The following CACNG1 variants were observed in gnomAD, a reference collection of about 807,000 sequenced individuals.
CACNG1 encodes the protein calcium voltage-gated channel auxiliary subunit gamma 1.
A neutral mutation model predicts 22.0 loss-of-function variants in CACNG1; 21 were observed. That is an observed-to-expected ratio of 0.95 (90% confidence interval 0.68 to 1.37). The LOEUF (loss-of-function observed/expected upper bound fraction) is 1.37, where lower values mean the gene tolerates loss of function less well. Ranked by LOEUF, CACNG1 falls within the 40% of genes most tolerant of loss-of-function variation. The pLI, the probability that CACNG1 is intolerant of heterozygous loss-of-function variation, is 0.00. For missense variants in CACNG1, 291 were observed against 308.6 expected (o/e 0.94, Z 0.43); for synonymous variants, 127 against 129.2 (o/e 0.98, Z 0.12).
chr17:67,050,138 C>G (rs1308890909), intron 1 of CACNG1, among the ~76,000 whole-genome samples: 1 of 152,250 alleles, frequency 6.6e-6, no homozygotes, highest in African/African-American at 2.4e-5. Flanking sequence ...AGGCAGGTTG[C>G]CCCAGGGCCC....
chr17:67,051,480 T>C (rs950040307), intron 1 of CACNG1, among the ~76,000 whole-genome samples: 2 of 152,110 alleles, frequency 1.3e-5, no homozygotes, highest in Non-Finnish European at 2.9e-5. Flanking sequence ...CTTTTTCACA[T>C]GCTAAGCCCA....
rs184121696 is a variant in CACNG1 at position 67,053,861 on chromosome 17, A to G, written c.230-135A>G. 6 of 705,798 alleles carry G rather than the reference A, an allele frequency of 8.5e-6. No homozygotes were observed. The Admixed American group carries it at 9.8e-5, about 12-fold the overall frequency. 43.7% of individuals were successfully genotyped at this position (705,798 alleles called of 1,614,324 possible). ...GTCAAAGACAGATGTTTCAGCCCAG[A>G]TTAAGGATCTGGGGAGAAGAGAGGC... On this transcript the variant is annotated intron_variant, in intron 1 of 3. Coordinates refer to ENST00000226021, the MANE Select transcript of CACNG1 (RefSeq NM_000727.4).
Position 67,056,364 on chromosome 17 carries a change from GC to G in CACNG1, c.*97del. ...CAGAGAGGAGGCGGGAGCAATTTTA[GC>G]CCCACCCTGCTCCCATCTGCCCCCC... On this transcript the variant is annotated 3_prime_UTR_variant, in exon 4 of 4. Transcript: ENST00000226021. The surrounding 1 kb of genome is among the most constrained non-coding windows in gnomAD (Gnocchi z 4.3). 1 of 1,084,736 alleles carries G rather than the reference GC, an allele frequency of 9.2e-7. No homozygotes were observed. Among genetic ancestry groups the G allele is most frequent in the African/African-American group, 1.5e-5 (1 of 64,584 alleles). The allele number at this position is 1,084,736 out of a possible 1,614,324, so 67.2% of individuals were successfully genotyped here.
intron 1 of CACNG1, among the ~76,000 whole-genome samples, chr17:67,049,557 C>G (rs375941036): frequency 6.8e-6 from 1 of 147,616 alleles, no homozygotes; most frequent in Non-Finnish European, 1.5e-5. Context: ...CAGGTGGTTC[C>G]TATTCTACAG....
chr17:67,054,193 G>A lies in CACNG1; in HGVS notation c.304+123G>A. ...CACGCCTGATGAGAAGAAGCCTGTG[G>A]TGCATTTGAACAACAGCCTTGTCAG... On this transcript the variant is annotated intron_variant, in intron 2 of 3. Coordinates refer to ENST00000226021, the MANE Select transcript of CACNG1 (RefSeq NM_000727.4). This position sits in a 1 kb window ranked among gnomAD's most constrained non-coding sequence, Gnocchi z 4.6. 1.3e-6 allele frequency: 1 copy of A among 758,508 alleles called. No homozygotes were observed. Among genetic ancestry groups the A allele is most frequent in the Non-Finnish European group, 2.3e-6 (1 of 441,978 alleles). 47.0% of individuals were successfully genotyped at this position (758,508 alleles called of 1,614,324 possible).
rs1220710232 is a variant in CACNG1 at position 67,054,028 on chromosome 17, C to A, written c.262C>A (p.Pro88Thr). Residue 88 changes from proline (P) to threonine (T), a missense_variant, in exon 2 of 4, where the codon CCC (proline) becomes ACC (threonine). Transcript: ENST00000226021. The surrounding 1 kb of genome is among the most constrained non-coding windows in gnomAD (Gnocchi z 4.6). The part of the protein sequence containing the change: ...KNCSYFRHFN[P>T]GESSEIFEFT... ...CTGTTCCTACTTCAGGCATTTTAAC[C>A]CCGGCGAGAGCTCGGAGATCTTCGA... 4.3e-6 allele frequency: 7 copies of A among 1,614,110 alleles called. No homozygotes were observed. The highest frequency in any genetic ancestry group is 5.1e-6 in the Non-Finnish European group (6 of 1,179,994).
rs780696046 is a variant in CACNG1, at chr17:67,044,774, C to T, written c.114C>T (p.His38=). 1.2e-6 allele frequency: 2 copies of T among 1,613,250 alleles called. No individual in the cohort carries two copies. Among genetic ancestry groups the T allele is most frequent in the Admixed American group, 1.7e-5 (1 of 60,016 alleles). ...VTDHWAVLSP[H]MEHHNTTCEA... ...ACCACTGGGCTGTGCTGAGCCCCCACATGGAGCACCACAACACTACCTGCG... is the reference window on the plus strand; with the variant it reads ...ACCACTGGGCTGTGCTGAGCCCCCATATGGAGCACCACAACACTACCTGCG... The change falls in exon 1 of 4, where the codon CAC becomes CAT. Residue 38 remains histidine (H), a synonymous_variant. Transcript: ENST00000226021. The surrounding 1 kb of genome is among the most constrained non-coding windows in gnomAD (Gnocchi z 6.9).
rs1267320359 is a variant in CACNG1, at chr17:67,056,266, C to T, written c.664C>T (p.His222Tyr). 2 of 1,613,608 alleles carry T rather than the reference C, an allele frequency of 1.2e-6. No individual in the cohort carries two copies. Among genetic ancestry groups the T allele is most frequent in the African/African-American group, 1.3e-5 (1 of 74,908 alleles). ...GTCCTGCATGGATGCTGAGCCCGAGCACTAACCCTCCTGCGGCCCTAGCGA... is the reference window on the plus strand; with the variant it reads ...GTCCTGCATGGATGCTGAGCCCGAGTACTAACCCTCCTGCGGCCCTAGCGA... ...WESCMDAEPE[H>Y] The change falls in exon 4 of 4, where the codon CAC (histidine) becomes TAC (tyrosine). Residue 222 changes from histidine to tyrosine, a missense_variant. Physicochemically the swap from His to Tyr is moderately conservative, Grantham distance 83 (BLOSUM62 2). Transcript: ENST00000226021. The surrounding 1 kb of genome is among the most constrained non-coding windows in gnomAD (Gnocchi z 4.3).
Position 67,055,627 on chromosome 17 carries a change from A to G in CACNG1, c.442+387A>G, listed in dbSNP as rs981423193. Among the ~76,000 whole-genome samples the G allele has an allele frequency of 3.3e-5, 5 of 152,174 alleles. No individual in the cohort carries two copies. The highest frequency in any genetic ancestry group is 1.2e-4 in the African/African-American group (5 of 41,450). ...ACTGCAGCCTCGAACTCCTGGGTTC[A>G]AGGGTTCCTCCCGCCCCAGCCTCCT... is the stretch of plus-strand genomic sequence containing the variant. On this transcript the variant is annotated intron_variant, in intron 3 of 3. Coordinates refer to ENST00000226021, the MANE Select transcript of CACNG1 (RefSeq NM_000727.4). The surrounding 1 kb of genome is among the most constrained non-coding windows in gnomAD (Gnocchi z 4.5).
chr17:67,046,715 G>A (rs538468852), intron 1 of CACNG1, among the ~76,000 whole-genome samples: 1 of 152,198 alleles, frequency 6.6e-6, no homozygotes, highest in Admixed American at 6.5e-5. Context: ...CACACATGGG[G>A]ACGTGCTGTT....
In CACNG1 at chr17:67,044,727, G is replaced by T. The variant is rs370512622; in HGVS notation, c.67G>T (p.Ala23Ser). The change falls in exon 1 of 4, where the codon GCC (alanine) becomes TCC (serine). Residue 23 changes from alanine to serine, a missense_variant. Transcript: ENST00000226021. The surrounding 1 kb of genome is among the most constrained non-coding windows in gnomAD (Gnocchi z 6.9). ...CTGCATCCTGGCAGGCATCGTGCTG[G>T]CCATGACAGCCGTGGTAACCGACCA... ...LFCILAGIVL[A>S]MTAVVTDHWA... is the part of the protein sequence containing the mutation. 31 of 1,612,346 alleles carry T rather than the reference G, an allele frequency of 1.9e-5. 1 individual carries two copies. Among genetic ancestry groups the T allele is most frequent in the African/African-American group, 1.3e-5 (1 of 74,936 alleles).
intron 1 of CACNG1, among the ~76,000 whole-genome samples, chr17:67,045,997 C>T (rs927438840): frequency 2.0e-5 from 3 of 152,180 alleles, no homozygotes; most frequent in Non-Finnish European, 2.9e-5. Flanking sequence ...ACCTGGTAGT[C>T]GCGTGACTAG....
intron 1 of CACNG1, among the ~76,000 whole-genome samples, chr17:67,049,022 G>A (rs2035713192): frequency 6.6e-6 from 1 of 152,166 alleles, no homozygotes; most frequent in African/African-American, 2.4e-5. Flanking sequence ...ATGTCCAAAA[G>A]CTTCCCAAAT....
In CACNG1 at chr17:67,056,482, G is replaced by A; in HGVS notation, c.*211G>A. 2 of 589,510 alleles carry A rather than the reference G, an allele frequency of 3.4e-6. No homozygotes were observed. Among genetic ancestry groups the A allele is most frequent in the South Asian group, 2.0e-5 (1 of 49,546 alleles). The allele number at this position is 589,510 out of a possible 1,614,324, so 36.5% of individuals were successfully genotyped here. On this transcript the variant is annotated 3_prime_UTR_variant, in exon 4 of 4. Transcript: ENST00000226021. The surrounding 1 kb of genome is among the most constrained non-coding windows in gnomAD (Gnocchi z 4.3). The stretch of plus-strand genomic sequence containing the variant: ...AGAGCAAGACGTGAGTCCTAACCTG[G>A]CCACAGTTGGGGGAGGCAGAGCCAG...
intron 1 of CACNG1, among the ~76,000 whole-genome samples, chr17:67,052,047 G>A (rs2035731074): frequency 6.6e-6 from 1 of 152,224 alleles, no homozygotes; most frequent in African/African-American, 2.4e-5. Context: ...TTTGTCCAGA[G>A]GGAGACACAT....
chr17:67,045,892 A>G (rs958607394), intron 1 of CACNG1, among the ~76,000 whole-genome samples: 1 of 152,216 alleles, frequency 6.6e-6, no homozygotes, highest in African/African-American at 2.4e-5. Flanking sequence ...TGTCAGAGTT[A>G]CAAAGCATTT....
chr17:67,047,351 A>C (rs2035703301), intron 1 of CACNG1, among the ~76,000 whole-genome samples: 1 of 152,240 alleles, frequency 6.6e-6, no homozygotes, highest in Admixed American at 6.5e-5. Context: ...CCAGCAAGAA[A>C]AATGGGTGAA....
rs996062598 is a variant in CACNG1, at chr17:67,054,888, A to G, written c.305-215A>G. Among the ~76,000 whole-genome samples the G allele has an allele frequency of 4.0e-5, 6 of 151,254 alleles. No homozygotes were observed. Among genetic ancestry groups the G allele is most frequent in the African/African-American group, 1.5e-4 (6 of 41,022 alleles). On this transcript the variant is annotated intron_variant, in intron 2 of 3. Transcript: ENST00000226021. This position sits in a 1 kb window ranked among gnomAD's most constrained non-coding sequence, Gnocchi z 4.6. ...CAGAGACACACACTGACACATATGC[A>G]TGACACACAATGACACACACAGACA... is the stretch of plus-strand genomic sequence containing the variant.
At chr17:67,052,770 A>C (rs2143416149) in intron 1 of CACNG1, among the ~76,000 whole-genome samples, 1 of 152,180 alleles carries the variant, frequency 6.6e-6, no homozygotes, top group African/African-American at 2.4e-5. Flanking sequence ...AGCAAGAAAT[A>C]AGACTGTGCT....
Sources: allele counts gnomAD v4.1 joint callset (sites outside exome capture counted in the v4.1 genomes callset), GRCh38; gene constraint gnomAD v4.1.1; non-coding constraint Gnocchi (gnomAD v3.1); transcripts MANE v1.5; gene names NCBI Gene and HGNC (gene_info 2026-07-23, HGNC 2026-07-21).